RNLS: variants seen among roughly 807,000 people sequenced by gnomAD.
RNLS encodes the protein renalase.
RNLS carries 39 observed loss-of-function variants against 39.8 expected under a neutral mutation model. That is an observed-to-expected ratio of 0.98 (90% confidence interval 0.76 to 1.28). The LOEUF (loss-of-function observed/expected upper bound fraction) is 1.28, where lower values mean the gene tolerates loss of function less well. Ranked by LOEUF, RNLS falls within the 50% of genes most tolerant of loss-of-function variation. The pLI, the probability that RNLS is intolerant of heterozygous loss-of-function variation, is 0.00. For missense variants in RNLS, 410 were observed against 413.3 expected, an observed-to-expected ratio of 0.99 and a Z score of 0.07; for synonymous variants, 147 against 150.7, an observed-to-expected ratio of 0.98 and a Z score of 0.18.
intron 4 of RNLS, among the ~76,000 whole-genome samples, chr10:88,527,937 T>TA (rs552399085): frequency 5.2e-4 from 76 of 147,376 alleles, no homozygotes; most frequent in Admixed American, 7.4e-4. Context: ...ACAATAAAAA[T>TA]AAAAAAAAAT....
rs117651213 is a variant in RNLS, at chr10:88,323,483, A to G, written c.701-8842T>C. Reference sequence around the variant, plus strand: ...CAACTAACTGATATTGACAAAGTCAATAAAAACAAACAATGAAGAAAGTAC... The same window carrying G: ...CAACTAACTGATATTGACAAAGTCAGTAAAAACAAACAATGAAGAAAGTAC... On this transcript the variant is annotated intron_variant, in intron 5 of 6. Coordinates refer to ENST00000331772, the MANE Select transcript of RNLS (RefSeq NM_001031709.3). Among the ~76,000 whole-genome samples, 975 of 152,330 alleles carry G rather than the reference A, an allele frequency of 6.4e-3. 3 individuals carry two copies. Among genetic ancestry groups the G allele is most frequent in the Non-Finnish European group, 0.01 (704 of 68,028 alleles).
At chr10:88,299,962 AC>A (rs1437410022) in intron 6 of RNLS, among the ~76,000 whole-genome samples, 1 of 152,222 alleles carries the variant, frequency 6.6e-6, no homozygotes, top group Non-Finnish European at 1.5e-5. Context: ...ATAAATGTTA[AC>A]TATGATTATT....
At chr10:88,373,972 G>A (rs1850767542) in intron 4 of RNLS, among the ~76,000 whole-genome samples, 2 of 152,030 alleles carry the variant, frequency 1.3e-5, no homozygotes, top group South Asian at 4.1e-4. Context: ...ATATCACTGA[G>A]CTTCAGTTAG....
At chr10:88,498,474 GAA>G (rs1025374154) in intron 4 of RNLS, among the ~76,000 whole-genome samples, 3 of 150,166 alleles carry the variant, frequency 2.0e-5, no homozygotes, top group Non-Finnish European at 3.0e-5. Context: ...TCCTGAAGCA[GAA>G]AAAGTTTTTT....
At chr10:88,457,373 C>A (rs910564790) in intron 4 of RNLS, among the ~76,000 whole-genome samples, 5 of 152,178 alleles carry the variant, frequency 3.3e-5, no homozygotes, top group Admixed American at 6.5e-5. Context: ...TTATCTGAAG[C>A]ACTGGTCCAC....
chr10:88,273,628 T>A (rs1461035643), downstream of RNLS, among the ~76,000 whole-genome samples: 2 of 152,246 alleles, frequency 1.3e-5, no homozygotes, highest in Admixed American at 6.5e-5. Context: ...TCATAACTAA[T>A]GCTTAAATAA....
At chr10:88,190,159 T>C in the RNLS span, among the ~76,000 whole-genome samples, 4 of 152,262 alleles carry the variant, frequency 2.6e-5, no homozygotes, top group South Asian at 2.1e-4. Context: ...CTTCAACTTA[T>C]ATAATTGTCT....
chr10:88,354,887 A>G (rs1849029223), intron 5 of RNLS, among the ~76,000 whole-genome samples: 1 of 152,066 alleles, frequency 6.6e-6, no homozygotes, highest in African/African-American at 2.4e-5. Context: ...ACATAGTCCT[A>G]TATTTCTTGG....
chr10:88,384,729 T>A (rs1486734102), intron 4 of RNLS, among the ~76,000 whole-genome samples: 1 of 152,134 alleles, frequency 6.6e-6, no homozygotes, highest in African/African-American at 2.4e-5. Flanking sequence ...GTACCAGGAG[T>A]TGATGGAGAA....
the RNLS span, among the ~76,000 whole-genome samples, chr10:88,196,677 C>A: frequency 6.6e-6 from 1 of 152,150 alleles, no homozygotes; most frequent in Non-Finnish European, 1.5e-5. Context: ...CTAGGTGTAG[C>A]CAGACTTATA....
intron 4 of RNLS, among the ~76,000 whole-genome samples, chr10:88,423,487 T>C (rs1854531870): frequency 1.3e-5 from 2 of 152,238 alleles, no homozygotes; most frequent in South Asian, 4.1e-4. Context: ...TCTGAAGGAA[T>C]ATTGACCAAG....
the RNLS span, among the ~76,000 whole-genome samples, chr10:88,177,961 A>G: frequency 6.6e-6 from 1 of 152,212 alleles, no homozygotes; most frequent in East Asian, 1.9e-4. Context: ...GGCATGCAGC[A>G]TCCCTGCTGG....
At chr10:88,285,847 G>A (rs548153990) in intron 6 of RNLS, among the ~76,000 whole-genome samples, 17 of 152,146 alleles carry the variant, frequency 1.1e-4, no homozygotes, top group East Asian at 7.7e-4. Context: ...CCTAACCCCC[G>A]AGGTGATGAT....
At chr10:88,376,235 A>G (rs538111185) in intron 4 of RNLS, among the ~76,000 whole-genome samples, 1 of 152,244 alleles carries the variant, frequency 6.6e-6, no homozygotes, top group Non-Finnish European at 1.5e-5. Flanking sequence ...ACTGTTCCCC[A>G]AGTGTCCTCA....
chr10:88,173,364 C>T, the RNLS span, among the ~76,000 whole-genome samples: 3 of 152,140 alleles, frequency 2.0e-5, no homozygotes, highest in Non-Finnish European at 4.4e-5. Context: ...TGTACCATTA[C>T]CATACTATTT....
intron 4 of RNLS, among the ~76,000 whole-genome samples, chr10:88,419,723 G>A (rs1854270244): frequency 6.6e-6 from 1 of 152,166 alleles, no homozygotes; most frequent in South Asian, 2.1e-4. Flanking sequence ...AAAAGGCACT[G>A]GCTGGGGGCG....
intron 4 of RNLS, among the ~76,000 whole-genome samples, chr10:88,407,130 C>A (rs1047810337): frequency 3.3e-5 from 5 of 152,104 alleles, no homozygotes; most frequent in African/African-American, 1.2e-4. Flanking sequence ...GCATCAAAAT[C>A]TCACAAATCA....
At chr10:88,541,261 T>C (rs564243798) in intron 4 of RNLS, among the ~76,000 whole-genome samples, 7 of 152,336 alleles carry the variant, frequency 4.6e-5, no homozygotes, top group South Asian at 2.1e-4. Context: ...CAACACTATT[T>C]AGATAACGAT....
chr10:88,291,192 T>C (rs1192905451), intron 6 of RNLS, among the ~76,000 whole-genome samples: 1 of 152,210 alleles, frequency 6.6e-6, no homozygotes, highest in Admixed American at 6.5e-5. Flanking sequence ...AGTCAAAAGA[T>C]AATGAATGGT....
Sources: allele counts gnomAD v4.1 joint callset (sites outside exome capture counted in the v4.1 genomes callset), GRCh38; gene constraint gnomAD v4.1.1; transcripts MANE v1.5; gene names NCBI Gene and HGNC (gene_info 2026-07-23, HGNC 2026-07-21).